The following CFAP54 variants were observed in gnomAD, a reference collection of about 807,000 sequenced individuals.
The protein encoded by CFAP54 is cilia- and flagella-associated protein 54.
A neutral mutation model predicts 370.4 loss-of-function variants in CFAP54; 290 were observed. The observed-to-expected ratio is 0.78, with a 90% confidence interval of 0.71 to 0.86. CFAP54 has a LOEUF of 0.86. CFAP54 is among the 40% of genes least tolerant of loss of function. The probability of loss-of-function intolerance (pLI) is 0.00; values close to 1 mark genes in which losing one functional copy is unlikely to be tolerated. For missense variants in CFAP54, 3,399 were observed against 3,528.7 expected, an observed-to-expected ratio of 0.96 and a Z score of 0.93; for synonymous variants, 1,206 against 1,236.5, an observed-to-expected ratio of 0.98 and a Z score of 0.52.
At chr12:96,776,699 T>G (rs1211624767) in intron 60 of CFAP54, among the ~76,000 whole-genome samples, 4 of 152,230 alleles carry the variant, frequency 2.6e-5, no homozygotes, top group Admixed American at 2.6e-4. Context: ...CATTCCAAAG[T>G]AGAATCTGAA....
intron 5 of CFAP54, among the ~76,000 whole-genome samples, chr12:96,513,480 C>T (rs1274460257): frequency 6.6e-6 from 1 of 152,224 alleles, no homozygotes; most frequent in Non-Finnish European, 1.5e-5. Context: ...GTAGCTTACA[C>T]CTGTAATCCC....
At chr12:96,836,673 A>T (rs971992080) in intron 66 of CFAP54, among the ~76,000 whole-genome samples, 9 of 152,204 alleles carry the variant, frequency 5.9e-5, no homozygotes, top group Non-Finnish European at 1.0e-4. Context: ...AGTCTATGCA[A>T]TATGTTTTCT....
At chr12:96,651,048 A>G (rs566047114) in intron 35 of CFAP54, among the ~76,000 whole-genome samples, 123 of 152,218 alleles carry the variant, frequency 8.1e-4, no homozygotes, top group African/African-American at 2.9e-3. Flanking sequence ...CTTTCACATG[A>G]CTTGTTCAAT....
rs570051716 is a variant in CFAP54 at position 96,739,287 on chromosome 12, A to G, written c.6966-669A>G. Among the ~76,000 whole-genome samples, 3 of 152,316 alleles carry G rather than the reference A, an allele frequency of 2.0e-5. No individual in the cohort carries two copies. The East Asian group carries it at 5.8e-4, about 29-fold the overall frequency. On this transcript the variant is annotated intron_variant, in intron 50 of 67. Coordinates refer to ENST00000524981, the MANE Select transcript of CFAP54 (RefSeq NM_001306084.2). The stretch of plus-strand genomic sequence containing the variant: ...ACAGCTCTTAATATATATCATTAAA[A>G]TATTTTGAAGAAGTGTGATGCAATG...
chr12:96,725,288 T>C (rs1265052644), intron 50 of CFAP54, among the ~76,000 whole-genome samples: 6 of 151,616 alleles, frequency 4.0e-5, no homozygotes, highest in African/African-American at 1.5e-4. Context: ...TTTCACGATA[T>C]TGATTCTTCC....
chr12:96,633,335 C>T (rs896257374), intron 32 of CFAP54, among the ~76,000 whole-genome samples: 5 of 152,174 alleles, frequency 3.3e-5, no homozygotes, highest in African/African-American at 9.7e-5. Flanking sequence ...AGAAATAATA[C>T]AGAGAGATCC....
At chr12:96,818,984 G>A (rs1959003739) in intron 65 of CFAP54, among the ~76,000 whole-genome samples, 1 of 152,188 alleles carries the variant, frequency 6.6e-6, no homozygotes, top group Non-Finnish European at 1.5e-5. Context: ...CTTGAGAGAT[G>A]TATTCTGTAC....
intron 45 of CFAP54, among the ~76,000 whole-genome samples, chr12:96,698,586 C>G (rs1320753033): frequency 1.3e-5 from 2 of 152,112 alleles, no homozygotes; most frequent in African/African-American, 4.8e-5. Context: ...AACAGAAAAC[C>G]AAATACCACA....
intron 45 of CFAP54, among the ~76,000 whole-genome samples, chr12:96,695,183 C>G (rs942454543): frequency 6.6e-6 from 1 of 152,236 alleles, no homozygotes; most frequent in Non-Finnish European, 1.5e-5. Context: ...GCACAATCAG[C>G]TCTTGCAAAT....
intron 27 of CFAP54, among the ~76,000 whole-genome samples, chr12:96,622,493 G>T (rs1956509379): frequency 6.6e-6 from 1 of 152,082 alleles, no homozygotes; most frequent in Non-Finnish European, 1.5e-5. Flanking sequence ...AGGATTATAG[G>T]TGTATGACAC....
At position 96,533,795 on chromosome 12, in the gene CFAP54, C is replaced by T. The variant is rs1955469371; in HGVS notation, c.1361C>T (p.Ser454Leu). The part of the protein sequence containing the change: ...FMAGKELLIM[S>L]NIGADGMLDF... ...AACTCTCTTCTTCCTTTCCTAGTGT[C>T]AAATATTGGTGCAGATGGAATGCTT... The change falls in exon 10 of 68, where the codon TCA (serine) becomes TTA (leucine). Residue 454 changes from serine to leucine, a missense_variant. Ser to Leu is a moderately radical substitution (Grantham distance 145). Coordinates refer to ENST00000524981, the MANE Select transcript of CFAP54 (RefSeq NM_001306084.2). The T allele has an allele frequency of 3.3e-6, 5 of 1,508,356 alleles. No individual in the cohort carries two copies. The highest frequency in any genetic ancestry group is 3.5e-6 in the Non-Finnish European group (4 of 1,137,966). 93.4% of individuals were successfully genotyped at this position (1,508,356 alleles called of 1,614,324 possible).
intron 66 of CFAP54, among the ~76,000 whole-genome samples, chr12:96,840,615 T>C (rs978740459): frequency 1.8e-4 from 18 of 101,374 alleles, no homozygotes; most frequent in African/African-American, 6.6e-4. Flanking sequence ...CTTTCTTTTC[T>C]CTGTTTCTTT....
At chr12:96,834,202 A>G (rs1460496489) in intron 66 of CFAP54, among the ~76,000 whole-genome samples, 1 of 152,248 alleles carries the variant, frequency 6.6e-6, no homozygotes, top group Non-Finnish European at 1.5e-5. Flanking sequence ...AGAGGGTAAG[A>G]AAACAGCTAG....
chr12:96,506,906 T>C, intron 3 of CFAP54, 22 bp from the exon 4 acceptor site: 1 of 1,518,980 alleles, frequency 6.6e-7, no homozygotes, highest in African/African-American at 1.4e-5. Context: ...TATTTCTATT[T>C]CTATTTTCCC....
chr12:96,785,009 G>T (rs1423553570), intron 61 of CFAP54, 119 bp downstream of exon 61: 3 of 816,698 alleles, frequency 3.7e-6, no homozygotes, highest in Non-Finnish European at 5.2e-6. Flanking sequence ...GTCATCAGAA[G>T]ATGAAAATTT....
chr12:96,799,609 C>T (rs1161391366), intron 63 of CFAP54, among the ~76,000 whole-genome samples: 1 of 152,176 alleles, frequency 6.6e-6, no homozygotes, highest in African/African-American at 2.4e-5. Flanking sequence ...TAATTCTCTT[C>T]CTATCCAGAT....
chr12:96,765,333 G>A, intron 60 of CFAP54, 115 bp downstream of exon 60: 1 of 995,452 alleles, frequency 1.0e-6, no homozygotes, highest in South Asian at 3.4e-5. Context: ...ATAATGTTTG[G>A]GGGCACTTCC....
At chr12:96,601,168 G>C (rs1287599899) in intron 26 of CFAP54, among the ~76,000 whole-genome samples, 2 of 152,104 alleles carry the variant, frequency 1.3e-5, no homozygotes, top group African/African-American at 4.8e-5. Flanking sequence ...TGACATGAAG[G>C]GCTGTTGAAT....
chr12:96,633,174 C>T (rs529953357), intron 32 of CFAP54, among the ~76,000 whole-genome samples: 5 of 152,234 alleles, frequency 3.3e-5, no homozygotes, highest in East Asian at 1.9e-4. Context: ...TCTAATGCTC[C>T]AGCCTCTTCT....
Sources: gnomAD v4.1 joint callset for allele counts (sites outside exome capture counted in the v4.1 genomes callset) on GRCh38, gnomAD v4.1.1 for gene constraint, MANE v1.5 for transcripts, NCBI Gene and HGNC (gene_info 2026-07-23, HGNC 2026-07-21) for gene names.